RALYL: variants seen among roughly 807,000 people sequenced by gnomAD.
RALYL encodes RNA-binding Raly-like protein.
A neutral mutation model predicts 35.1 loss-of-function variants in RALYL; 29 were observed. The ratio of observed to expected loss-of-function variants is 0.83; its 90% CI spans 0.61 to 1.13. The LOEUF is 1.13. Among genes scored for constraint, RALYL ranks in the 50% most tolerant of loss-of-function variants. RALYL has a pLI of 0.00. For missense variants in RALYL, 359 were observed against 360.4 expected (o/e 1.00, Z 0.03); for synonymous variants, 120 against 127.6 (o/e 0.94, Z 0.40).
At chr8:84,909,087 G>A (rs1355772963) in intron 8 of RALYL, among the ~76,000 whole-genome samples, 1 of 152,104 alleles carries the variant, frequency 6.6e-6, no homozygotes, top group East Asian at 1.9e-4. Flanking sequence ...CAACATGGAT[G>A]CCCTCACCTG....
intron 1 of RALYL, among the ~76,000 whole-genome samples, chr8:84,285,068 T>C (rs1428404478): frequency 6.6e-6 from 1 of 152,136 alleles, no homozygotes; most frequent in Non-Finnish European, 1.5e-5. Context: ...TGATTGTATA[T>C]GATGTTGGAA....
chr8:84,281,850 C>T (rs1420964640), intron 1 of RALYL, among the ~76,000 whole-genome samples: 3 of 152,036 alleles, frequency 2.0e-5, no homozygotes, highest in African/African-American at 4.8e-5. Context: ...TGCACACATA[C>T]TCTTTCCCTT....
intron 2 of RALYL, among the ~76,000 whole-genome samples, chr8:84,619,057 A>G (rs1347577116): frequency 1.3e-5 from 2 of 150,432 alleles, no homozygotes; most frequent in Non-Finnish European, 2.9e-5. Flanking sequence ...GTGCTGAAAA[A>G]AATGTATATT....
chr8:84,330,180 C>T (rs991003984), intron 1 of RALYL, among the ~76,000 whole-genome samples: 3 of 151,826 alleles, frequency 2.0e-5, no homozygotes, highest in South Asian at 4.2e-4. Context: ...AGCACAGTGT[C>T]GTATTTATAT....
intron 1 of RALYL, among the ~76,000 whole-genome samples, chr8:84,283,394 A>C (rs1455766938): frequency 6.6e-6 from 1 of 152,108 alleles, no homozygotes; most frequent in Non-Finnish European, 1.5e-5. Flanking sequence ...AAAGGAAAAA[A>C]GGCAAAAGCT....
At chr8:84,859,121 G>A (rs973956438) in intron 5 of RALYL, among the ~76,000 whole-genome samples, 3 of 152,168 alleles carry the variant, frequency 2.0e-5, no homozygotes, top group Non-Finnish European at 4.4e-5. Context: ...CAAGAGCCTG[G>A]TGACAGAATT....
Position 84,882,197 on chromosome 8 carries a change from A to T in RALYL, c.686-5407A>T, listed in dbSNP as rs576066302. ...GCTTTTTGGCTTCTAATCGACCTTT[A>T]AAAAAAATCTAATACTCATTTCTCT... On this transcript the variant is annotated intron_variant, in intron 7 of 8. Coordinates refer to ENST00000521268, the MANE Select transcript of RALYL (RefSeq NM_173848.7). 3.3e-5 allele frequency among the ~76,000 whole-genome samples: 5 copies of T among 151,872 alleles called. No homozygotes were observed. In the South Asian group the frequency reaches 1.0e-3, roughly 32 times the overall value.
intron 1 of RALYL, among the ~76,000 whole-genome samples, chr8:84,489,186 C>A (rs1292831588): frequency 1.3e-5 from 2 of 152,010 alleles, no homozygotes; most frequent in African/African-American, 4.8e-5. Flanking sequence ...AATCTTAAAA[C>A]TGCTAGCTAC....
At chr8:84,389,778 G>T (rs2131754267) in intron 1 of RALYL, among the ~76,000 whole-genome samples, 1 of 150,056 alleles carries the variant, frequency 6.7e-6, no homozygotes. Flanking sequence ...ATACAATCAT[G>T]TCGTCTGCAA....
intron 2 of RALYL, among the ~76,000 whole-genome samples, chr8:84,716,021 G>A (rs1842904187): frequency 6.6e-6 from 1 of 151,992 alleles, no homozygotes; most frequent in Non-Finnish European, 1.5e-5. Flanking sequence ...CATGCCTTGG[G>A]CTACCTATCA....
rs1840255491 is a variant in RALYL at position 84,701,821 on chromosome 8, CACA to C, written c.257-72755_257-72753del. On this transcript the variant is annotated intron_variant, in intron 2 of 8. Transcript: ENST00000521268. Reference sequence around the variant, plus strand: ...TCACCCCTCCTAGAAGGTAGTTTAGCACAACTAGTTGTTGTGGAAACATGTCCC... The same window carrying C: ...TCACCCCTCCTAGAAGGTAGTTTAGCACTAGTTGTTGTGGAAACATGTCCC... Among the ~76,000 whole-genome samples, 6 of 152,304 alleles carry C rather than the reference CACA, an allele frequency of 3.9e-5. No homozygotes were observed. The South Asian group carries it at 1.2e-3, about 32-fold the overall frequency.
chr8:84,694,357 G>T (rs115676163), intron 2 of RALYL, among the ~76,000 whole-genome samples: 2 of 151,688 alleles, frequency 1.3e-5, no homozygotes, highest in Non-Finnish European at 3.0e-5. Flanking sequence ...AAACAATCTC[G>T]TTTACATAGC....
intron 4 of RALYL, among the ~76,000 whole-genome samples, chr8:84,825,737 G>A (rs1829535013): frequency 6.6e-6 from 1 of 151,910 alleles, no homozygotes; most frequent in South Asian, 2.1e-4. Flanking sequence ...GCATGGTGGT[G>A]CATGACTGTA....
chr8:84,645,180 T>C (rs1253619470), intron 2 of RALYL, among the ~76,000 whole-genome samples: 1 of 152,052 alleles, frequency 6.6e-6, no homozygotes, highest in African/African-American at 2.4e-5. Context: ...GTCTCAATTG[T>C]CATGGTATCT....
At chr8:84,365,653 G>A (rs1313516670) in intron 1 of RALYL, among the ~76,000 whole-genome samples, 1 of 152,158 alleles carries the variant, frequency 6.6e-6, no homozygotes, top group African/African-American at 2.4e-5. Context: ...GAAGAATAAA[G>A]TTTTAAGGTT....
intron 2 of RALYL, among the ~76,000 whole-genome samples, chr8:84,685,486 T>A (rs965130783): frequency 6.6e-6 from 1 of 152,092 alleles, no homozygotes; most frequent in Non-Finnish European, 1.5e-5. Flanking sequence ...CCTGATTCTC[T>A]CCCAATTTAG....
intron 1 of RALYL, among the ~76,000 whole-genome samples, chr8:84,498,594 GA>G (rs2056335265): frequency 6.6e-6 from 1 of 152,066 alleles, no homozygotes; most frequent in African/African-American, 2.4e-5. Context: ...TGCTGCTGAG[GA>G]AAGTAGGAGA....
At chr8:84,430,024 AAG>A (rs1228277381) in intron 1 of RALYL, among the ~76,000 whole-genome samples, 3 of 152,058 alleles carry the variant, frequency 2.0e-5, no homozygotes, top group Admixed American at 6.6e-5. Flanking sequence ...AAAAAAAAAA[AAG>A]AGTTCCATTT....
At chr8:84,539,146 C>A (rs1464654395) in intron 2 of RALYL, among the ~76,000 whole-genome samples, 1 of 152,118 alleles carries the variant, frequency 6.6e-6, no homozygotes, top group Non-Finnish European at 1.5e-5. Flanking sequence ...TCCTAGCTCT[C>A]CACTTAGGAC....
Sources: allele counts gnomAD v4.1 joint callset (sites outside exome capture counted in the v4.1 genomes callset), GRCh38; gene constraint gnomAD v4.1.1; transcripts MANE v1.5; gene names NCBI Gene and HGNC (gene_info 2026-07-23, HGNC 2026-07-21).